PTPRJ: variants seen among roughly 807,000 people sequenced by gnomAD.
The protein encoded by PTPRJ is receptor-type tyrosine-protein phosphatase eta.
Under a neutral mutation model 141.3 loss-of-function variants are expected in PTPRJ, and 129 were observed. That is an observed-to-expected ratio of 0.91 (90% CI 0.79 to 1.06). PTPRJ has a LOEUF of 1.06. Ranked by LOEUF, PTPRJ falls within the 50% of genes least tolerant of loss-of-function variation. PTPRJ has a pLI of 0.00. For missense variants in PTPRJ, 1,601 were observed against 1,679.7 expected, an observed-to-expected ratio of 0.95 and a Z score of 0.82; for synonymous variants, 610 against 640.5, an observed-to-expected ratio of 0.95 and a Z score of 0.72.
intron 6 of PTPRJ, among the ~76,000 whole-genome samples, chr11:48,126,817 C>A (rs112097257): frequency 2.7e-5 from 4 of 146,484 alleles, no homozygotes; most frequent in Non-Finnish European, 3.0e-5. Flanking sequence ...CACACACACA[C>A]ACAGATAAAC....
intron 14 of PTPRJ, among the ~76,000 whole-genome samples, 154 bp downstream of exon 14, chr11:48,145,278 C>T (rs1370374527): frequency 2.0e-5 from 3 of 152,158 alleles, no homozygotes; most frequent in African/African-American, 2.4e-5. Context: ...ACTGGGTCAC[C>T]GGGCTTACTG....
chr11:48,075,300 C>T lies in PTPRJ; in HGVS notation c.97-34758C>T, dbSNP rs555230581. On this transcript the variant is annotated intron_variant, in intron 1 of 24. Transcript: ENST00000418331. ...CTGGGATTACAGGGGCCCGCTACCA[C>T]GCCCAGCTAATTTTTGTATTTTGAG... 9.2e-5 allele frequency among the ~76,000 whole-genome samples: 14 copies of T among 152,158 alleles called. No individual in the cohort carries two copies. The East Asian group carries it at 1.4e-3, about 15-fold the overall frequency.
intron 8 of PTPRJ, 139 bp downstream of exon 8, chr11:48,130,855 CTTAT>C (rs1448744225): frequency 1.1e-6 from 1 of 931,604 alleles, no homozygotes; most frequent in African/African-American, 1.7e-5. Flanking sequence ...AACACTAATG[CTTAT>C]TTATTATATG....
chr11:48,079,326 C>T (rs1855499044), intron 1 of PTPRJ, among the ~76,000 whole-genome samples: 1 of 151,800 alleles, frequency 6.6e-6, no homozygotes, highest in South Asian at 2.1e-4. Flanking sequence ...GATGTAACTC[C>T]ATGTCTTGGT....
intron 1 of PTPRJ, among the ~76,000 whole-genome samples, chr11:48,081,493 G>A (rs1373159510): frequency 6.6e-6 from 1 of 152,204 alleles, no homozygotes; most frequent in South Asian, 2.1e-4. Context: ...GACTTTGGGT[G>A]GCCGCCGAGG....
At chr11:48,110,434 G>A (rs563424952) in intron 2 of PTPRJ, among the ~76,000 whole-genome samples, 1 of 152,206 alleles carries the variant, frequency 6.6e-6, no homozygotes, top group South Asian at 2.1e-4. Context: ...CCTGACCTCA[G>A]GTGATCCGCC....
intron 1 of PTPRJ, among the ~76,000 whole-genome samples, chr11:48,015,548 T>A (rs942011039): frequency 2.0e-5 from 3 of 152,102 alleles, no homozygotes; most frequent in Admixed American, 2.0e-4. Flanking sequence ...CACATATACT[T>A]GGTGGGATGG....
intron 11 of PTPRJ, among the ~76,000 whole-genome samples, chr11:48,142,335 A>AT (rs1220246095): frequency 1.3e-5 from 2 of 152,068 alleles, no homozygotes; most frequent in Admixed American, 1.3e-4. Context: ...CTGGTCTTTG[A>AT]TTGTTCCATG....
chr11:48,142,455 A>T (rs1170709280), intron 11 of PTPRJ, among the ~76,000 whole-genome samples: 2 of 152,160 alleles, frequency 1.3e-5, no homozygotes, highest in African/African-American at 2.4e-5. Flanking sequence ...CAACAATGTG[A>T]AGTCTTCCAA....
intron 1 of PTPRJ, among the ~76,000 whole-genome samples, chr11:47,984,638 A>C (rs147527696): frequency 4.6e-5 from 7 of 151,954 alleles, no homozygotes; most frequent in African/African-American, 1.7e-4. Flanking sequence ...GGCTCACCGC[A>C]ACCTCCACCT....
Position 48,147,102 on chromosome 11 carries a change from G to A in PTPRJ, c.2999+139G>A, listed in dbSNP as rs114681042. 172 of 776,728 alleles carry A rather than the reference G, an allele frequency of 2.2e-4. No individual in the cohort carries two copies. The African/African-American group carries it at 2.8e-3, about 13-fold the overall frequency. The allele number at this position is 776,728 out of a possible 1,614,324, so 48.1% of individuals were successfully genotyped here. On this transcript the variant is annotated intron_variant, in intron 15 of 24. Transcript: ENST00000418331. ...CTTCACCCATAGTGTTCTGCATTTGGCCAGTCCTATTTCCTCTGCGCCCCC... is the reference window on the plus strand; with the variant it reads ...CTTCACCCATAGTGTTCTGCATTTGACCAGTCCTATTTCCTCTGCGCCCCC...
At chr11:48,044,321 A>G (rs1005110778) in intron 1 of PTPRJ, among the ~76,000 whole-genome samples, 3 of 152,190 alleles carry the variant, frequency 2.0e-5, no homozygotes, top group African/African-American at 4.8e-5. Context: ...ATGTAACCTC[A>G]TGAGGGCCAC....
rs938832654 is a variant in PTPRJ, at chr11:48,114,516, T to A, written c.352+1533T>A. Among the ~76,000 whole-genome samples the A allele has an allele frequency of 2.7e-5, 4 of 150,932 alleles. 1 individual carries two copies. In the South Asian group the frequency reaches 8.4e-4, roughly 32 times the overall value. ...GTTACAAAAATTTGGGCTTAGAGGT[T>A]GGGACCATACCAGATGGTCTTCCCA... On this transcript the variant is annotated intron_variant, in intron 3 of 24. Transcript: ENST00000418331.
chr11:48,085,116 C>T (rs1855663936), intron 1 of PTPRJ, among the ~76,000 whole-genome samples: 1 of 152,150 alleles, frequency 6.6e-6, no homozygotes, highest in South Asian at 2.1e-4. Context: ...CCTTTCTCAA[C>T]TGCATGTTTT....
chr11:47,998,342 G>T (rs1038321494), intron 1 of PTPRJ, among the ~76,000 whole-genome samples: 1 of 152,194 alleles, frequency 6.6e-6, no homozygotes, highest in Non-Finnish European at 1.5e-5. Flanking sequence ...ATAAAGAAAA[G>T]ACAAATATTT....
intron 1 of PTPRJ, among the ~76,000 whole-genome samples, chr11:47,991,258 G>A (rs1444301281): frequency 6.6e-6 from 1 of 152,136 alleles, no homozygotes; most frequent in African/African-American, 2.4e-5. Flanking sequence ...AAGGAGCACA[G>A]GGATATTGAC....
At chr11:48,161,775 G>A (rs1232645564) in intron 22 of PTPRJ, among the ~76,000 whole-genome samples, 1 of 152,012 alleles carries the variant, frequency 6.6e-6, no homozygotes, top group Non-Finnish European at 1.5e-5. Context: ...ACCATGCCCA[G>A]CTAATTTTTT....
intron 3 of PTPRJ, among the ~76,000 whole-genome samples, chr11:48,118,653 A>C (rs1423591767): frequency 6.6e-6 from 1 of 152,240 alleles, no homozygotes; most frequent in Non-Finnish European, 1.5e-5. Context: ...CAACCTGTGC[A>C]AAACAATAAA....
intron 11 of PTPRJ, 75 bp downstream of exon 11, chr11:48,139,851 A>G: frequency 7.0e-7 from 1 of 1,422,136 alleles, no homozygotes; most frequent in Admixed American, 1.9e-5. Context: ...GTGGGTCTGC[A>G]CGTGTGGACT....
Sources: gnomAD v4.1 joint callset for allele counts (sites outside exome capture counted in the v4.1 genomes callset) on GRCh38, gnomAD v4.1.1 for gene constraint, MANE v1.5 for transcripts, NCBI Gene and HGNC (gene_info 2026-07-23, HGNC 2026-07-21) for gene names.